TUSC3: variants seen among roughly 807,000 people sequenced by gnomAD.
TUSC3 encodes the protein tumor suppressor candidate 3, also known as dolichyl-diphosphooligosaccharide--protein glycosyltransferase subunit TUSC3.
In TUSC3, 45 loss-of-function variants were observed where a neutral mutation model predicts 44.8. The ratio of observed to expected loss-of-function variants is 1.00; its 90% CI spans 0.79 to 1.29. The LOEUF is 1.29. Among genes scored for constraint, TUSC3 ranks in the 50% most tolerant of loss-of-function variants. TUSC3 has a pLI of 0.00. For missense variants in TUSC3, 519 were observed against 437.9 expected, an observed-to-expected ratio of 1.19 and a Z score of -1.65; for synonymous variants, 212 against 152.9, an observed-to-expected ratio of 1.39 and a Z score of -2.85.
At chr8:15,586,365 C>T (rs1178328531) in intron 1 of TUSC3, among the ~76,000 whole-genome samples, 3 of 151,954 alleles carry the variant, frequency 2.0e-5, no homozygotes, top group South Asian at 4.1e-4. Context: ...AATGCATATT[C>T]AAAAGAGGAG....
chr8:15,630,558 A>G (rs933395941), intron 2 of TUSC3, among the ~76,000 whole-genome samples: 1 of 152,148 alleles, frequency 6.6e-6, no homozygotes, highest in African/African-American at 2.4e-5. Context: ...AATTTTTTCA[A>G]AGTCACACAG....
At chr8:15,784,924 T>C in the TUSC3 span, among the ~76,000 whole-genome samples, 1 of 151,972 alleles carries the variant, frequency 6.6e-6, no homozygotes. Flanking sequence ...TACAAAGAAA[T>C]AAGTATGTGA....
intron 1 of TUSC3, among the ~76,000 whole-genome samples, chr8:15,558,703 A>T (rs1802350740): frequency 8.2e-6 from 1 of 121,472 alleles, no homozygotes; most frequent in African/African-American, 2.9e-5. Context: ...TGGTCTATTC[A>T]GAGATTCAAC....
At chr8:15,777,732 T>G in the TUSC3 span, among the ~76,000 whole-genome samples, 1 of 152,220 alleles carries the variant, frequency 6.6e-6, no homozygotes, top group Non-Finnish European at 1.5e-5. Flanking sequence ...TAAAGGTTGT[T>G]GGACTATAAT....
At chr8:15,708,168 A>T (rs996176857) in intron 6 of TUSC3, among the ~76,000 whole-genome samples, 7 of 151,974 alleles carry the variant, frequency 4.6e-5, no homozygotes, top group African/African-American at 1.7e-4. Flanking sequence ...TACACTGGGC[A>T]GAGTAGCATA....
chr8:15,636,916 C>T (rs867239205), intron 2 of TUSC3, among the ~76,000 whole-genome samples: 10 of 152,130 alleles, frequency 6.6e-5, no homozygotes, highest in Non-Finnish European at 1.3e-4. Flanking sequence ...TTATTTGGTG[C>T]TGGTGAGATA....
intron 1 of TUSC3, among the ~76,000 whole-genome samples, chr8:15,436,384 C>T (rs1295813413): frequency 1.3e-5 from 2 of 152,138 alleles, no homozygotes; most frequent in African/African-American, 2.4e-5. Context: ...TTAAATGTAA[C>T]CTGCCATAGT....
At chr8:15,623,036 G>A (rs552286417) in intron 1 of TUSC3, 44 bp from the exon 2 acceptor site, 76 of 1,591,684 alleles carry the variant, frequency 4.8e-5, no homozygotes, top group Admixed American at 1.2e-4. Flanking sequence ...CAAACAAAAG[G>A]ACTTTGACTC....
At chr8:15,794,157 T>G in the TUSC3 span, among the ~76,000 whole-genome samples, 1 of 152,172 alleles carries the variant, frequency 6.6e-6, no homozygotes, top group Admixed American at 6.5e-5. Context: ...GAATTAAACT[T>G]AGGGAATCTG....
chr8:15,543,311 A>G (rs913750191), intron 1 of TUSC3, among the ~76,000 whole-genome samples: 33 of 152,166 alleles, frequency 2.2e-4, no homozygotes, highest in African/African-American at 7.0e-4. Flanking sequence ...TCTAGAGGGG[A>G]AGCCAAACTG....
intron 2 of TUSC3, among the ~76,000 whole-genome samples, chr8:15,519,065 TTTGGCTCA>T (rs1801259122): frequency 6.6e-6 from 1 of 152,154 alleles, no homozygotes; most frequent in Admixed American, 6.5e-5. Context: ...GGTCCTGGAT[TTTGGCTCA>T]TTGATTTGGC....
the TUSC3 span, among the ~76,000 whole-genome samples, chr8:15,779,861 G>A: frequency 6.6e-6 from 1 of 152,152 alleles, no homozygotes; most frequent in Admixed American, 6.5e-5. Context: ...GGCAACTACA[G>A]AAACGCTATA....
chr8:15,755,771 G>C (rs1811903555), intron 9 of TUSC3, among the ~76,000 whole-genome samples: 1 of 151,908 alleles, frequency 6.6e-6, no homozygotes, highest in Non-Finnish European at 1.5e-5. Context: ...TGTTCAGAAA[G>C]GAAGAAATAT....
At chr8:15,810,906 C>G in the TUSC3 span, among the ~76,000 whole-genome samples, 1 of 152,108 alleles carries the variant, frequency 6.6e-6, no homozygotes, top group Non-Finnish European at 1.5e-5. Context: ...GACAGGACCG[C>G]TGACACCAGG....
chr8:15,595,289 C>G (rs1426413799), intron 1 of TUSC3, among the ~76,000 whole-genome samples: 1 of 152,132 alleles, frequency 6.6e-6, no homozygotes, highest in Non-Finnish European at 1.5e-5. Context: ...AGGGGAATCT[C>G]TAGATTTCCA....
intron 1 of TUSC3, among the ~76,000 whole-genome samples, chr8:15,576,598 G>A (rs1287074635): frequency 1.4e-5 from 2 of 146,726 alleles, no homozygotes; most frequent in Admixed American, 6.8e-5. Context: ...TACTGAGAAT[G>A]ATGATTTCCA....
At chr8:15,541,279 G>A (rs1801682293) in intron 1 of TUSC3, among the ~76,000 whole-genome samples, 1 of 152,198 alleles carries the variant, frequency 6.6e-6, no homozygotes, top group Non-Finnish European at 1.5e-5. Context: ...TGAAGTGACT[G>A]GTTGTATTTA....
At chr8:15,562,450 A>T (rs62504196) in intron 1 of TUSC3, among the ~76,000 whole-genome samples, 29,601 of 152,032 alleles carry the variant, frequency 0.19, 2,905 homozygotes, top group South Asian at 0.24. Context: ...TTAGTTTTAT[A>T]TTGATGCATA....
rs139667789 is a variant in TUSC3, at chr8:15,720,643, A to G, written c.799-10023A>G. Among the ~76,000 whole-genome samples the G allele has an allele frequency of 1.3e-3, 203 of 152,256 alleles. 2 individuals are homozygous for G. Among genetic ancestry groups the G allele is most frequent in the African/African-American group, 4.7e-3 (196 of 41,568 alleles). ...CAGTGGTCCTGGACATACAGAGCAAATGGATGACATTAGATTTCTAAAGCT... is the reference window on the plus strand; with the variant it reads ...CAGTGGTCCTGGACATACAGAGCAAGTGGATGACATTAGATTTCTAAAGCT... On this transcript the variant is annotated intron_variant, in intron 6 of 10. Transcript: ENST00000503731.
Sources: allele counts gnomAD v4.1 joint callset (sites outside exome capture counted in the v4.1 genomes callset), GRCh38; gene constraint gnomAD v4.1.1; transcripts MANE v1.5; gene names NCBI Gene and HGNC (gene_info 2026-07-23, HGNC 2026-07-21).